Variants in AKAP6 observed in about 807,000 individuals in gnomAD.
The protein encoded by AKAP6 is A-kinase anchor protein 6.
In AKAP6, 58 loss-of-function variants were observed where a neutral mutation model predicts 188.5. That is an observed-to-expected ratio of 0.31 (90% CI 0.25 to 0.38). The LOEUF (loss-of-function observed/expected upper bound fraction) is 0.38, where lower values mean the gene tolerates loss of function less well. AKAP6 is among the 10% of genes least tolerant of loss of function. The pLI is 1.00. For synonymous variants in AKAP6, 989 were observed against 998.6 expected (o/e 0.99, Z 0.18); for missense variants, 2,710 against 2,740.0 (o/e 0.99, Z 0.24).
At chr14:32,678,528 G>C in intron 8 of AKAP6, 69 bp downstream of exon 8, 1 of 1,568,274 alleles carries the variant, frequency 6.4e-7, no homozygotes, top group Non-Finnish European at 8.7e-7. Flanking sequence ...CCACTGGTAG[G>C]TGTTAGGAAG....
At chr14:32,550,535 T>C (rs1472632766) in intron 4 of AKAP6, among the ~76,000 whole-genome samples, 1 of 152,208 alleles carries the variant, frequency 6.6e-6, no homozygotes, top group East Asian at 1.9e-4. Context: ...AATTTGTATA[T>C]GACTTTATGA....
At chr14:32,379,582 T>C (rs935812364) in intron 1 of AKAP6, among the ~76,000 whole-genome samples, 7 of 152,114 alleles carry the variant, frequency 4.6e-5, no homozygotes, top group Non-Finnish European at 8.8e-5. Flanking sequence ...CTTTCCCCTT[T>C]GATCCTCTTT....
chr14:32,473,869 G>A (rs527544715), intron 2 of AKAP6: 1 of 152,484 alleles, frequency 6.6e-6, no homozygotes, highest in Admixed American at 6.5e-5. Context: ...ATCTGCTGCT[G>A]TTCTCAATGT....
intron 1 of AKAP6, among the ~76,000 whole-genome samples, chr14:32,371,220 C>T (rs998524666): frequency 1.3e-5 from 2 of 152,162 alleles, no homozygotes; most frequent in Non-Finnish European, 2.9e-5. Flanking sequence ...AGCTAGAACA[C>T]ACATATGTCA....
At chr14:32,713,941 A>G (rs999908505) in intron 9 of AKAP6, among the ~76,000 whole-genome samples, 1 of 152,028 alleles carries the variant, frequency 6.6e-6, no homozygotes, top group East Asian at 1.9e-4. Flanking sequence ...TTTTCAGACT[A>G]TCTCAGCTTT....
At chr14:32,510,394 G>GTGTA (rs200779785) in intron 2 of AKAP6, among the ~76,000 whole-genome samples, 1 of 63,290 alleles carries the variant, frequency 1.6e-5, no homozygotes, top group African/African-American at 5.7e-5. Context: ...ATATATATGT[G>GTGTA]TATATATATG....
chr14:32,529,401 G>A lies in AKAP6; in HGVS notation c.325-6153G>A, dbSNP rs151148632. 5.5e-3 allele frequency among the ~76,000 whole-genome samples: 843 copies of A among 152,042 alleles called. 3 individuals are homozygous for A. Among genetic ancestry groups the A allele is most frequent in the Non-Finnish European group, 8.4e-3 (574 of 67,976 alleles). ...ATCCTGTCAGATTTTCTACATAGAC[G>A]ATCATGTCATCTTTGAACAAGACAG... On this transcript the variant is annotated intron_variant, in intron 2 of 13. Coordinates refer to ENST00000280979, the MANE Select transcript of AKAP6 (RefSeq NM_004274.5).
At chr14:32,674,220 A>C (rs1348537736) in intron 7 of AKAP6, among the ~76,000 whole-genome samples, 2 of 152,212 alleles carry the variant, frequency 1.3e-5, no homozygotes, top group African/African-American at 4.8e-5. Context: ...GGAGACTGGT[A>C]GGAAACGTGG....
At chr14:32,547,515 G>T (rs1255885005) in intron 4 of AKAP6, among the ~76,000 whole-genome samples, 1 of 151,934 alleles carries the variant, frequency 6.6e-6, no homozygotes, top group African/African-American at 2.4e-5. Flanking sequence ...TGAGAACTCT[G>T]GCTAATAACC....
intron 3 of AKAP6, among the ~76,000 whole-genome samples, chr14:32,537,194 A>G (rs1009501601): frequency 3.9e-5 from 6 of 152,236 alleles, no homozygotes; most frequent in African/African-American, 1.4e-4. Context: ...CGCAGTGCCT[A>G]GAAGTCTATA....
At chr14:32,496,334 T>C (rs1438781413) in intron 2 of AKAP6, among the ~76,000 whole-genome samples, 1 of 152,280 alleles carries the variant, frequency 6.6e-6, no homozygotes, top group Non-Finnish European at 1.5e-5. Flanking sequence ...TGCATAACTT[T>C]GGATAAGTTT....
At chr14:32,387,746 A>C (rs1888579793) in intron 1 of AKAP6, among the ~76,000 whole-genome samples, 1 of 150,240 alleles carries the variant, frequency 6.7e-6, no homozygotes, top group Non-Finnish European at 1.5e-5. Flanking sequence ...TCAGTTAGCT[A>C]GTATTTTGTT....
At chr14:32,575,841 CA>C (rs1192238838) in intron 4 of AKAP6, among the ~76,000 whole-genome samples, 1 of 152,084 alleles carries the variant, frequency 6.6e-6, no homozygotes, top group Non-Finnish European at 1.5e-5. Context: ...GGCAACACAC[CA>C]GAGCATGGCA....
chr14:32,792,902 C>A (rs1445114034), intron 12 of AKAP6, among the ~76,000 whole-genome samples: 1 of 151,914 alleles, frequency 6.6e-6, no homozygotes, highest in Non-Finnish European at 1.5e-5. Context: ...AATTTTCAAC[C>A]CAGAATTTAA....
Position 32,465,527 on chromosome 14 carries a change from G to C in AKAP6, c.324+31710G>C, listed in dbSNP as rs1334287847. Among the ~76,000 whole-genome samples the C allele has an allele frequency of 3.3e-5, 5 of 152,234 alleles. No individual in the cohort carries two copies. In the East Asian group the frequency reaches 7.7e-4, roughly 24 times the overall value. ...TTAATAAATAATGTTGGGAAAACTG[G>C]CTAGCCATATGTAGAAACCTGACAC... On this transcript the variant is annotated intron_variant, in intron 2 of 13. Transcript: ENST00000280979.
intron 1 of AKAP6, among the ~76,000 whole-genome samples, chr14:32,336,143 T>G (rs1886692563): frequency 2.0e-5 from 3 of 152,126 alleles, no homozygotes; most frequent in Admixed American, 2.0e-4. Context: ...TGTTAATCTA[T>G]TAATCTACAG....
rs111399114 is a variant in AKAP6, at chr14:32,739,320, G to A, written c.3372+3438G>A. On this transcript the variant is annotated intron_variant, in intron 11 of 13. Transcript: ENST00000280979. ...CAGACATGCAATGGGTACTAATCAC[G>A]TCATGGAGAATGGGGTATCCATCCC... Among the ~76,000 whole-genome samples the A allele has an allele frequency of 3.9e-3, 595 of 152,024 alleles. 21 individuals carry two copies. The East Asian group carries it at 0.081, about 21-fold the overall frequency.
At chr14:32,475,633 C>T (rs1176423018) in intron 2 of AKAP6, among the ~76,000 whole-genome samples, 1 of 151,240 alleles carries the variant, frequency 6.6e-6, no homozygotes, top group African/African-American at 2.4e-5. Context: ...ATCCTTACAT[C>T]TTAATCTGAT....
chr14:32,628,000 G>T lies in AKAP6; in HGVS notation c.2730+27208G>T, dbSNP rs188834807. 7.2e-5 allele frequency: 11 copies of T among 152,164 alleles called. No homozygotes were observed. In the East Asian group the frequency reaches 1.7e-3, roughly 24 times the overall value. The allele number at this position is 152,164 out of a possible 1,614,324, so 9.4% of individuals were successfully genotyped here. A position where few individuals can be genotyped will look rare whatever the true frequency, so the allele number is the denominator to read the frequency against. On this transcript the variant is annotated intron_variant, in intron 7 of 13. Coordinates refer to ENST00000280979, the MANE Select transcript of AKAP6 (RefSeq NM_004274.5). ...GATTATATGGCAGGGCAAAGGACGC[G>T]GGGTGGATGTGGAGCCTGAGCAGCT...
Sources: gnomAD v4.1 joint callset for allele counts (sites outside exome capture counted in the v4.1 genomes callset) on GRCh38, gnomAD v4.1.1 for gene constraint, MANE v1.5 for transcripts, NCBI Gene and HGNC (gene_info 2026-07-23, HGNC 2026-07-21) for gene names.